The following TTC19 variants were observed in gnomAD, a reference collection of about 807,000 sequenced individuals.
The protein encoded by TTC19 is tetratricopeptide repeat protein 19, mitochondrial.
A neutral mutation model predicts 49.5 loss-of-function variants in TTC19; 38 were observed. The ratio of observed to expected loss-of-function variants is 0.77; its 90% CI spans 0.59 to 1.01. The LOEUF (loss-of-function observed/expected upper bound fraction) is 1.01. Among genes scored for constraint, TTC19 ranks in the 50% least tolerant of loss-of-function variants. The probability of loss-of-function intolerance (pLI) is 0.00; values close to 1 mark genes in which losing one functional copy is unlikely to be tolerated. For missense variants in TTC19, 475 were observed against 477.7 expected (o/e 0.99, Z 0.05); for synonymous variants, 204 against 185.2 (o/e 1.10, Z -0.83).
rs1455798692 is a variant in TTC19, at chr17:16,001,774, A to G, written c.313-141A>G. 1.7e-5 allele frequency: 12 copies of G among 685,840 alleles called. No homozygotes were observed. The East Asian group carries it at 2.4e-4, about 14-fold the overall frequency. 42.5% of individuals were successfully genotyped at this position (685,840 alleles called of 1,614,324 possible). Reference sequence around the variant, plus strand: ...CATCTCTGTAGACAATGCTTTGTACATAGTAGGAATTCAGTAAATGTCTGA... The same window carrying G: ...CATCTCTGTAGACAATGCTTTGTACGTAGTAGGAATTCAGTAAATGTCTGA... On this transcript the variant is annotated intron_variant, in intron 2 of 9. Transcript: ENST00000261647.
chr17:16,040,677 CTG>C, intron 2 of TTC19: 1 of 630,340 alleles, frequency 1.6e-6, no homozygotes, highest in Non-Finnish European at 2.8e-6. Flanking sequence ...GGGTCTCACT[CTG>C]TTGCCCAGGC....
intron 7 of TTC19, among the ~76,000 whole-genome samples, chr17:16,017,630 G>A (rs1022620138): frequency 6.6e-6 from 1 of 151,680 alleles, no homozygotes; most frequent in Admixed American, 6.6e-5. Context: ...GTGTGGTGGC[G>A]GGTGCCTGTA....
rs770151321 is a variant in TTC19, at chr17:16,000,128, G to A, written c.195G>A (p.Trp65Ter). The A allele has an allele frequency of 1.3e-6, 2 of 1,568,750 alleles. No individual in the cohort carries two copies. The highest frequency in any genetic ancestry group is 2.3e-5 in the East Asian group (1 of 43,686). The change falls in exon 2 of 10, where the codon TGG (tryptophan) becomes TGA (stop). Residue 65 changes from tryptophan (W) to a stop codon, truncating the protein, a stop_gained. Coordinates refer to ENST00000261647, the MANE Select transcript of TTC19 (RefSeq NM_017775.4). LOFTEE classifies it high-confidence loss of function. ...GLLPLLAALA[W>*]FSRPAAAEEE... The stretch of plus-strand genomic sequence containing the variant: ...AGCCCCTTCCCGCAGCGCTCGCCTG[G>A]TTCTCGAGGCCCGCTGCGGCAGAGG...
rs1393701010 is a variant in TTC19 at position 16,028,699 on chromosome 17, G to A, written c.*1177G>A. 4 of 453,432 alleles carry A rather than the reference G, an allele frequency of 8.8e-6. No homozygotes were observed. In the East Asian group the frequency reaches 2.8e-4, roughly 32 times the overall value. 28.1% of individuals were successfully genotyped at this position (453,432 alleles called of 1,614,324 possible). On this transcript the variant is annotated 3_prime_UTR_variant, in exon 10 of 10. Transcript: ENST00000261647. The stretch of plus-strand genomic sequence containing the variant: ...CCTGTTGGTATGCCTGTGGGGGTGG[G>A]ATGTGAGTGGGACTGATAAACTGAT...
intron 4 of TTC19, 38 bp from the exon 5 acceptor site, chr17:16,003,793 G>A: frequency 1.9e-6 from 3 of 1,564,470 alleles, no homozygotes; most frequent in Non-Finnish European, 2.6e-6. Context: ...ATAAAATGGG[G>A]CCCAATTAAA....
At chr17:16,006,336 G>A (rs554811342) in intron 6 of TTC19, 138 bp from the exon 7 acceptor site, 501 of 694,814 alleles carry the variant, frequency 7.2e-4, no homozygotes, top group Non-Finnish European at 1.1e-3. Context: ...CTTGAACCCC[G>A]GAGGTGGAGG....
intron 2 of TTC19, among the ~76,000 whole-genome samples, chr17:16,038,924 T>A (rs1457746415): frequency 6.6e-6 from 1 of 152,094 alleles, no homozygotes; most frequent in Non-Finnish European, 1.5e-5. Context: ...GCACACGCCA[T>A]CATGCCCAGC....
At chr17:16,019,661 A>G (rs1401094151) in intron 7 of TTC19, among the ~76,000 whole-genome samples, 3 of 152,216 alleles carry the variant, frequency 2.0e-5, no homozygotes, top group African/African-American at 4.8e-5. Context: ...CACTACAACC[A>G]TGGTATAGTA....
chr17:16,025,046 T>C lies in TTC19; in HGVS notation c.706T>C (p.Leu236=). 1 of 1,613,962 alleles carries C rather than the reference T, an allele frequency of 6.2e-7. No individual in the cohort carries two copies. The highest frequency in any genetic ancestry group is 8.5e-7 in the Non-Finnish European group (1 of 1,179,856). ...VEEKANTHLL[L]GMCLDACARY... is the part of the protein sequence containing the mutation. ...AGAGAAAGCCAATACCCACCTCCTC[T>C]TGGGCATGTGCTTAGACGCCTGTGC... is the stretch of plus-strand genomic sequence containing the variant. The change falls in exon 8 of 10, where the codon TTG becomes CTG. Residue 236 remains leucine (L), a synonymous_variant. Coordinates refer to ENST00000261647, the MANE Select transcript of TTC19 (RefSeq NM_017775.4).
rs555234511 is a variant in TTC19 at position 16,012,868 on chromosome 17, C to A, written c.676+6300C>A. ...GCTTTTCTTTCATTTTACTCTGTGT[C>A]CCTTAAGAAGATGTCATTTAGTTTT... On this transcript the variant is annotated intron_variant, in intron 7 of 9. Transcript: ENST00000261647. Among the ~76,000 whole-genome samples, 6 of 152,172 alleles carry A rather than the reference C, an allele frequency of 3.9e-5. No homozygotes were observed. The South Asian group carries it at 1.2e-3, about 32-fold the overall frequency.
intron 2 of TTC19, among the ~76,000 whole-genome samples, chr17:16,041,754 T>G (rs987151077): frequency 6.7e-6 from 1 of 149,536 alleles, no homozygotes; most frequent in African/African-American, 2.5e-5. Context: ...AATTTATTTT[T>G]AAGACGGAGT....
At position 15,999,995 on chromosome 17, in the gene TTC19, G is replaced by A. The variant is rs868684471; in HGVS notation, c.147G>A (p.Pro49=). ...EVQVPPSRVA[P]HGRGPGLLPL... is the part of the protein sequence containing the mutation. Reference sequence around the variant, plus strand: ...AGGTGCCGCCATCCCGAGTCGCGCCGCACGGCCGGGGCCCAGGCCTGCTGC... The same window carrying A: ...AGGTGCCGCCATCCCGAGTCGCGCCACACGGCCGGGGCCCAGGCCTGCTGC... Residue 49 remains proline (P), a synonymous_variant, in exon 1 of 10, where the codon CCG becomes CCA. Coordinates refer to ENST00000261647, the MANE Select transcript of TTC19 (RefSeq NM_017775.4). 7.9e-7 allele frequency: 1 copy of A among 1,262,524 alleles called. No homozygotes were observed. Among genetic ancestry groups the A allele is most frequent in the Non-Finnish European group, 9.9e-7 (1 of 1,006,018 alleles). 78.2% of individuals were successfully genotyped at this position (1,262,524 alleles called of 1,614,324 possible).
chr17:16,034,450 T>C (rs1268610467), intron 2 of TTC19, among the ~76,000 whole-genome samples: 1 of 151,356 alleles, frequency 6.6e-6, no homozygotes, highest in African/African-American at 2.4e-5. Flanking sequence ...AAAATGAAAA[T>C]GAAAAAAATT....
At chr17:16,003,463 C>T (rs1031370859) in intron 4 of TTC19, among the ~76,000 whole-genome samples, 5 of 150,770 alleles carry the variant, frequency 3.3e-5, no homozygotes, top group African/African-American at 9.8e-5. Flanking sequence ...ATTGTAGAGA[C>T]GGGATTTCAC....
At chr17:16,025,836 T>G (rs1392849699) in intron 8 of TTC19, among the ~76,000 whole-genome samples, 2 of 151,918 alleles carry the variant, frequency 1.3e-5, no homozygotes, top group East Asian at 3.9e-4. Flanking sequence ...GTAGGGTGAG[T>G]AATATGTTTT....
rs1970815240 is a variant in TTC19, at chr17:16,003,875, G to A, written c.507G>A (p.Gly169=). The A allele has an allele frequency of 2.5e-6, 4 of 1,613,818 alleles. No homozygotes were observed. In the East Asian group the frequency reaches 8.9e-5, roughly 36 times the overall value. ...CAACAATGAGTTACCTCCTTGGAGG[G>A]GGCATGAAGCAGGTAAGGACATTGC... ...FKATMSYLLG[G]GMKQEDNAII... is the part of the protein sequence containing the mutation. Residue 169 remains glycine (G), a synonymous_variant, in exon 5 of 10, where the codon GGG becomes GGA. Coordinates refer to ENST00000261647, the MANE Select transcript of TTC19 (RefSeq NM_017775.4).
At position 16,002,013 on chromosome 17, in the gene TTC19, C is replaced by T. The variant is rs763402516; in HGVS notation, c.411C>T (p.Tyr137=). ...YQTDNKKAIT[Y]TYDLMANLAF... is the part of the protein sequence containing the mutation. ...CTGATAACAAGAAGGCCATCACTTA[C>T]ACTTATGATTTGGTAACTCTTATAA... Residue 137 remains tyrosine, a synonymous_variant, in exon 3 of 10, where the codon TAC becomes TAT. Transcript: ENST00000261647. The T allele has an allele frequency of 8.7e-6, 14 of 1,611,406 alleles. No individual in the cohort carries two copies. The highest frequency in any genetic ancestry group is 1.1e-5 in the Non-Finnish European group (13 of 1,179,128).
Position 16,029,368 on chromosome 17 carries a change from T to C in TTC19, c.*1846T>C. 5.6e-6 allele frequency: 2 copies of C among 358,946 alleles called. No homozygotes were observed. The highest frequency in any genetic ancestry group is 1.1e-5 in the Non-Finnish European group (2 of 182,370). 22.2% of individuals were successfully genotyped at this position (358,946 alleles called of 1,614,324 possible). ...TGATTGGTCTAAATTCAAAAGTGAA[T>C]TGGTTAAAATCGTGTCATTAAAATT... On this transcript the variant is annotated 3_prime_UTR_variant, in exon 10 of 10. Transcript: ENST00000261647.
intron 7 of TTC19, among the ~76,000 whole-genome samples, chr17:16,014,646 A>G (rs1971163438): frequency 6.6e-6 from 1 of 152,232 alleles, no homozygotes; most frequent in East Asian, 1.9e-4. Flanking sequence ...GCATTGGAGC[A>G]TTTGGATTTG....
Sources: gnomAD v4.1 joint callset for allele counts (sites outside exome capture counted in the v4.1 genomes callset) on GRCh38, gnomAD v4.1.1 for gene constraint, MANE v1.5 for transcripts, NCBI Gene and HGNC (gene_info 2026-07-23, HGNC 2026-07-21) for gene names.